The following ASB3 variants were observed in gnomAD, a reference collection of about 807,000 sequenced individuals.
ASB3 encodes the protein ankyrin repeat and SOCS box protein 3.
In ASB3, 41 loss-of-function variants were observed where a neutral mutation model predicts 54.5. The ratio of observed to expected loss-of-function variants is 0.75; its 90% CI spans 0.59 to 0.98. The LOEUF (loss-of-function observed/expected upper bound fraction) is 0.98. ASB3 is among the 50% of genes least tolerant of loss of function. ASB3 has a pLI of 0.00. For synonymous variants in ASB3, 266 were observed against 221.2 expected (o/e 1.20, Z -1.80); for missense variants, 733 against 620.0 (o/e 1.18, Z -1.94).
intron 9 of ASB3, among the ~76,000 whole-genome samples, chr2:53,672,938 T>C (rs926986732): frequency 6.6e-6 from 1 of 152,232 alleles, no homozygotes; most frequent in Non-Finnish European, 1.5e-5. Context: ...TTCACACTCA[T>C]AATTCATTAG....
At chr2:53,736,515 G>A (rs760248442) in intron 3 of ASB3, among the ~76,000 whole-genome samples, 4 of 151,678 alleles carry the variant, frequency 2.6e-5, no homozygotes, top group Non-Finnish European at 4.4e-5. Context: ...TGGCTAACAC[G>A]GTGAAACCCT....
At position 53,700,385 on chromosome 2, in the gene ASB3, T is replaced by G; in HGVS notation, c.1124A>C (p.Asn375Thr). 4 of 1,614,096 alleles carry G rather than the reference T, an allele frequency of 2.5e-6. No individual in the cohort carries two copies. Among genetic ancestry groups the G allele is most frequent in the Non-Finnish European group, 3.4e-6 (4 of 1,179,994 alleles). ...LRKGCSLGPW[N>T]HIYEFVNHAI... ...ATGATTTACAAATTCATATATATGG[T>G]TCCATGGTCCCAATGAGCAACCTTT... Residue 375 changes from asparagine (N) to threonine (T), a missense_variant, in exon 8 of 10, where the codon AAC becomes ACC. Physicochemically the swap from Asn to Thr is moderately conservative, Grantham distance 65. Coordinates refer to ENST00000263634, the MANE Select transcript of ASB3 (RefSeq NM_016115.5).
chr2:53,675,414 AAATATT>A (rs1248144909), intron 9 of ASB3, among the ~76,000 whole-genome samples: 1 of 152,208 alleles, frequency 6.6e-6, no homozygotes, highest in African/African-American at 2.4e-5. Flanking sequence ...AGACTCCTTT[AAATATT>A]AATATTTTAA....
At chr2:53,743,191 G>A (rs982016780) in intron 3 of ASB3, among the ~76,000 whole-genome samples, 21 of 144,914 alleles carry the variant, frequency 1.4e-4, no homozygotes, top group Non-Finnish European at 4.5e-5. Context: ...TTGCAGAGAT[G>A]GGGTGGTCTC....
intron 7 of ASB3, among the ~76,000 whole-genome samples, chr2:53,704,386 T>C (rs930269051): frequency 1.4e-5 from 2 of 144,438 alleles, no homozygotes; most frequent in African/African-American, 2.6e-5. Context: ...AGGGAAAAAA[T>C]AACATATGAT....
At chr2:53,676,553 G>A (rs972728574) in intron 9 of ASB3, among the ~76,000 whole-genome samples, 1 of 152,138 alleles carries the variant, frequency 6.6e-6, no homozygotes, top group Non-Finnish European at 1.5e-5. Context: ...TGATGTCACA[G>A]GTGTCATAAC....
chr2:53,717,135 A>G (rs1043827242), intron 5 of ASB3, among the ~76,000 whole-genome samples: 6 of 152,228 alleles, frequency 3.9e-5, no homozygotes, highest in African/African-American at 1.4e-4. Flanking sequence ...GCTAAAACAA[A>G]AATCCTATTC....
At chr2:53,786,067 G>A (rs1270361051) in intron 1 of ASB3, among the ~76,000 whole-genome samples, 1 of 152,142 alleles carries the variant, frequency 6.6e-6, no homozygotes, top group Non-Finnish European at 1.5e-5. Flanking sequence ...GTCTTTAACA[G>A]ATCTAGCAAG....
intron 1 of ASB3, 32 bp from the exon 2 acceptor site, chr2:53,765,617 GT>G (rs1387197601): frequency 5.0e-6 from 8 of 1,612,590 alleles, no homozygotes; most frequent in Non-Finnish European, 6.8e-6. Flanking sequence ...TAATACTATA[GT>G]CAATAAAACA....
At chr2:53,682,837 A>T (rs1668448402) in intron 9 of ASB3, among the ~76,000 whole-genome samples, 2 of 152,120 alleles carry the variant, frequency 1.3e-5, no homozygotes, top group African/African-American at 4.8e-5. Flanking sequence ...TATCCTGAAA[A>T]CTTATTGAAT....
At chr2:53,700,060 T>C (rs1669402501) in intron 8 of ASB3, among the ~76,000 whole-genome samples, 1 of 152,128 alleles carries the variant, frequency 6.6e-6, no homozygotes, top group Non-Finnish European at 1.5e-5. Context: ...TATCCCCTCA[T>C]ACCTCCTTCC....
chr2:53,704,125 C>T (rs936398311), intron 7 of ASB3, among the ~76,000 whole-genome samples: 2 of 151,846 alleles, frequency 1.3e-5, no homozygotes, highest in Non-Finnish European at 1.5e-5. Flanking sequence ...CACCAAAAAG[C>T]CAAGGCGGAC....
intron 7 of ASB3, among the ~76,000 whole-genome samples, chr2:53,708,026 G>A (rs1669886570): frequency 6.6e-6 from 1 of 151,676 alleles, no homozygotes; most frequent in South Asian, 2.1e-4. Flanking sequence ...CAGAATATCA[G>A]TCCCCACCCT....
intron 7 of ASB3, among the ~76,000 whole-genome samples, chr2:53,713,989 A>T (rs1181369507): frequency 6.6e-6 from 1 of 152,200 alleles, no homozygotes; most frequent in East Asian, 1.9e-4. Flanking sequence ...CTAAAGTTTA[A>T]TTTTTAGGCT....
At chr2:53,776,581 G>T (rs1322537878) in intron 1 of ASB3, among the ~76,000 whole-genome samples, 1 of 152,174 alleles carries the variant, frequency 6.6e-6, no homozygotes, top group Non-Finnish European at 1.5e-5. Flanking sequence ...GCTGTGATGG[G>T]ATGCTGTGAA....
intron 3 of ASB3, among the ~76,000 whole-genome samples, chr2:53,733,618 T>A (rs1348590424): frequency 1.3e-5 from 2 of 152,208 alleles, no homozygotes; most frequent in Admixed American, 1.3e-4. Flanking sequence ...ATTTTTGTAT[T>A]TTTAGTAGAG....
intron 7 of ASB3, among the ~76,000 whole-genome samples, chr2:53,706,535 T>C (rs978229244): frequency 1.3e-4 from 20 of 152,180 alleles, no homozygotes; most frequent in African/African-American, 4.6e-4. Context: ...AAGCTCTGCC[T>C]CCCCGGTTCA....
chr2:53,743,164 C>CTTTTTTTTTT (rs60857484), intron 3 of ASB3, among the ~76,000 whole-genome samples: 1 of 117,860 alleles, frequency 8.5e-6, no homozygotes, highest in South Asian at 2.6e-4. Flanking sequence ...ATTTTTTTAC[C>CTTTTTTTTTT]TTTTTTTTTT....
chr2:53,713,513 A>C (rs891675582), intron 7 of ASB3, among the ~76,000 whole-genome samples: 6 of 152,374 alleles, frequency 3.9e-5, no homozygotes, highest in African/African-American at 1.4e-4. Flanking sequence ...GACACTAACA[A>C]GGCAGCAGTA....
Sources: gnomAD v4.1 joint callset for allele counts (sites outside exome capture counted in the v4.1 genomes callset) on GRCh38, gnomAD v4.1.1 for gene constraint, MANE v1.5 for transcripts, NCBI Gene and HGNC (gene_info 2026-07-23, HGNC 2026-07-21) for gene names.